TCF3: variants seen among roughly 807,000 people sequenced by gnomAD.
TCF3 encodes the protein transcription factor E2-alpha.
TCF3 carries 54 observed loss-of-function variants against 72.3 expected under a neutral mutation model. The ratio of observed to expected loss-of-function variants is 0.75; its 90% CI spans 0.60 to 0.94. The LOEUF (loss-of-function observed/expected upper bound fraction) is 0.94, where lower values mean the gene tolerates loss of function less well. TCF3 is among the 40% of genes least tolerant of loss of function. TCF3 has a pLI of 0.00. For missense variants in TCF3, 1,078 were observed against 934.4 expected (o/e 1.15, Z -2.00); for synonymous variants, 525 against 412.6 (o/e 1.27, Z -3.30).
Position 1,647,046 on chromosome 19 carries a change from G to A in TCF3, c.73-619C>T, listed in dbSNP as rs902948328. 2.6e-5 allele frequency among the ~76,000 whole-genome samples: 4 copies of A among 152,200 alleles called. No individual in the cohort carries two copies. In the South Asian group the frequency reaches 8.3e-4, roughly 31 times the overall value. ...GAGGCTCAGACAGGCAGCAGGTCGA[G>A]GAAGACACGGGATGGAGCCCCGGGC... On this transcript the variant is annotated intron_variant, in intron 2 of 18. Transcript: ENST00000262965.
In TCF3 at chr19:1,620,980, G is replaced by A. The variant is rs772529012; in HGVS notation, c.1081C>T (p.Gln361Ter). ...SSPSTPVGSPQGLAGTSQWPR... is the reference protein window; with the variant it reads ...SSPSTPVGSP ...AACCCTCACAGACCTGCCAGGCCCTGGGGGGAGCCCACGGGGGTAGAAGGG... is the reference window on the plus strand; with the variant it reads ...AACCCTCACAGACCTGCCAGGCCCTAGGGGGAGCCCACGGGGGTAGAAGGG... Residue 361 changes from glutamine to a stop codon, truncating the protein, a stop_gained, in exon 13 of 19, where the codon CAG becomes TAG. Coordinates refer to ENST00000262965, the MANE Select transcript of TCF3 (RefSeq NM_003200.5). LOFTEE classifies it high-confidence loss of function. 2.7e-6 allele frequency: 4 copies of A among 1,509,324 alleles called. No individual in the cohort carries two copies. Among genetic ancestry groups the A allele is most frequent in the African/African-American group, 2.8e-5 (2 of 70,424 alleles). 93.5% of individuals were successfully genotyped at this position (1,509,324 alleles called of 1,614,324 possible).
chr19:1,650,139 A>G, intron 2 of TCF3, 38 bp downstream of exon 2: 1 of 1,532,916 alleles, frequency 6.5e-7, no homozygotes, highest in Non-Finnish European at 8.8e-7. Flanking sequence ...CTGTGGAGGC[A>G]AAGGGGTGTC....
Position 1,622,103 on chromosome 19 carries a change from C to A in TCF3, c.773G>T (p.Ser258Ile), listed in dbSNP as rs2146132884. 1.2e-6 allele frequency: 2 copies of A among 1,605,524 alleles called. No homozygotes were observed. Among genetic ancestry groups the A allele is most frequent in the East Asian group, 2.2e-5 (1 of 44,612 alleles). The change falls in exon 10 of 19, where the codon AGC (serine) becomes ATC (isoleucine). Residue 258 changes from serine (S) to isoleucine (I), a missense_variant. Ser to Ile is a moderately radical substitution (Grantham distance 142). Transcript: ENST00000262965. ...ACCAAACGTGCTGCTGCTTCCACTGCTGCCCACCGGGCCGCTACCGGGCGG... is the reference window on the plus strand; with the variant it reads ...ACCAAACGTGCTGCTGCTTCCACTGATGCCCACCGGGCCGCTACCGGGCGG... ...PLPPGSGPVG[S>I]SGSSSTFGGL...
chr19:1,622,609 T>C (rs1297559419), intron 8 of TCF3, among the ~76,000 whole-genome samples, 194 bp from the exon 9 acceptor site: 1 of 151,876 alleles, frequency 6.6e-6, no homozygotes. Flanking sequence ...CTGGTCTCTC[T>C]CTCCTACTCC....
chr19:1,626,198 C>T (rs992614492), intron 6 of TCF3, among the ~76,000 whole-genome samples: 1 of 152,178 alleles, frequency 6.6e-6, no homozygotes, highest in Non-Finnish European at 1.5e-5. Context: ...CACCTATTAT[C>T]CCAGTACTTT....
Position 1,611,833 on chromosome 19 carries a change from G to A in TCF3, c.1839C>T (p.Pro613=). ...CTCGCCGTTTCAAACAGGCTGCTTTGGGATTCAGGTTCCGCTCTGGAGGGA... is the reference window on the plus strand; with the variant it reads ...CTCGCCGTTTCAAACAGGCTGCTTTAGGATTCAGGTTCCGCTCTGGAGGGA... ...EQQVRERNLN[P]KAACLKRREE... is the part of the protein sequence containing the mutation. The change falls in exon 19 of 19, where the codon CCC becomes CCT. Residue 613 remains proline (P), a synonymous_variant. Coordinates refer to ENST00000262965, the MANE Select transcript of TCF3 (RefSeq NM_003200.5). 6.2e-7 allele frequency: 1 copy of A among 1,612,742 alleles called. No homozygotes were observed. Among genetic ancestry groups the A allele is most frequent in the Non-Finnish European group, 8.5e-7 (1 of 1,179,676 alleles).
rs189964914 is a variant in TCF3, at chr19:1,629,252, G to A, written c.299-1826C>T. On this transcript the variant is annotated intron_variant, in intron 5 of 18. Transcript: ENST00000262965. ...GTGCTGGGGTCAGAGGCATTTGTCTGTCCCAGGGGACAGGCCTGGGGGCCC... is the reference window on the plus strand; with the variant it reads ...GTGCTGGGGTCAGAGGCATTTGTCTATCCCAGGGGACAGGCCTGGGGGCCC... Among the ~76,000 whole-genome samples the A allele has an allele frequency of 4.9e-3, 750 of 152,154 alleles. 7 individuals are homozygous for A. Among genetic ancestry groups the A allele is most frequent in the African/African-American group, 0.017 (687 of 41,490 alleles).
At chr19:1,643,918 G>T (rs1214514056) in intron 3 of TCF3, among the ~76,000 whole-genome samples, 2 of 152,216 alleles carry the variant, frequency 1.3e-5, no homozygotes, top group Admixed American at 1.3e-4. Flanking sequence ...GAATGCGGCT[G>T]GGGTACCCCA....
intron 5 of TCF3, among the ~76,000 whole-genome samples, 178 bp from the exon 6 acceptor site, chr19:1,627,604 A>G (rs2063055297): frequency 1.3e-5 from 2 of 151,882 alleles, no homozygotes; most frequent in African/African-American, 4.8e-5. Flanking sequence ...CCCTGGCCCC[A>G]GTATGCCCAT....
intron 7 of TCF3, among the ~76,000 whole-genome samples, chr19:1,624,861 T>C (rs1639607127): frequency 6.6e-6 from 1 of 152,196 alleles, no homozygotes; most frequent in Admixed American, 6.5e-5. Context: ...CGCTTATTTT[T>C]TTCAGGCAGG....
At position 1,641,018 on chromosome 19, in the gene TCF3, C is replaced by T. The variant is rs572379014; in HGVS notation, c.145+5337G>A. Among the ~76,000 whole-genome samples, 6 of 151,956 alleles carry T rather than the reference C, an allele frequency of 3.9e-5. No individual in the cohort carries two copies. In the South Asian group the frequency reaches 8.3e-4, roughly 21 times the overall value. ...ACAAAAAATTAGCCAGGCATGGTGG[C>T]AGGCACCTATATTCCCAGCTACTCA... On this transcript the variant is annotated intron_variant, in intron 3 of 18. Transcript: ENST00000262965.
chr19:1,622,776 C>T (rs1417165459), intron 8 of TCF3, among the ~76,000 whole-genome samples: 1 of 152,172 alleles, frequency 6.6e-6, no homozygotes, highest in Non-Finnish European at 1.5e-5. Context: ...CATCCTTCTC[C>T]CTTGTTCCCC....
intron 3 of TCF3, among the ~76,000 whole-genome samples, chr19:1,645,241 G>A (rs1406342231): frequency 2.0e-5 from 3 of 152,042 alleles, no homozygotes; most frequent in Admixed American, 1.3e-4. Flanking sequence ...CCGGAGGCAG[G>A]AAGGACACAG....
intron 3 of TCF3, among the ~76,000 whole-genome samples, chr19:1,634,636 G>C (rs2064156393): frequency 6.6e-6 from 1 of 152,214 alleles, no homozygotes; most frequent in African/African-American, 2.4e-5. Flanking sequence ...TCCCTGTTGG[G>C]TCCCCTCCTG....
chr19:1,614,638 G>A lies in TCF3; in HGVS notation c.1822+647C>T, dbSNP rs908820775. Among the ~76,000 whole-genome samples, 3 of 152,152 alleles carry A rather than the reference G, an allele frequency of 2.0e-5. No individual in the cohort carries two copies. Among genetic ancestry groups the A allele is most frequent in the African/African-American group, 7.2e-5 (3 of 41,432 alleles). On this transcript the variant is annotated intron_variant, in intron 18 of 18. Transcript: ENST00000262965. The surrounding 1 kb of genome is among the most constrained non-coding windows in gnomAD (Gnocchi z 5.6). Reference sequence around the variant, plus strand: ...GTGCTGCAGGAGAGAAAGGGTTAACGGGGTGCAGGCGAGGAAAGGAAGGAG... The same window carrying A: ...GTGCTGCAGGAGAGAAAGGGTTAACAGGGTGCAGGCGAGGAAAGGAAGGAG...
intron 18 of TCF3, chr19:1,612,492 G>T: frequency 6.8e-7 from 1 of 1,473,068 alleles, no homozygotes; most frequent in Non-Finnish European, 9.4e-7. Context: ...GGGAGGGCAG[G>T]GCTGGGTTGT....
Position 1,620,918 on chromosome 19 carries a change from C to A in TCF3, c.1093+50G>T, listed in dbSNP as rs371016412. On this transcript the variant is annotated intron_variant, in intron 13 of 18. Transcript: ENST00000262965. ...TCACAGACCTCAGCCTCCCCTCCCC[C>A]CAAACCCTCACAGACCTCAGCCTCC... The A allele has an allele frequency of 1.3e-4, 179 of 1,420,908 alleles. 1 individual carries two copies. In the African/African-American group the frequency reaches 1.7e-3, roughly 13 times the overall value. The allele number at this position is 1,420,908 out of a possible 1,614,324, so 88.0% of individuals were successfully genotyped here. A position where few individuals can be genotyped will look rare whatever the true frequency, so the allele number is the denominator to read the frequency against.
chr19:1,615,575 A>T lies in TCF3; in HGVS notation c.1587-55T>A, dbSNP rs758299283. The T allele has an allele frequency of 1.2e-6, 2 of 1,604,026 alleles. No homozygotes were observed. Among genetic ancestry groups the T allele is most frequent in the African/African-American group, 2.7e-5 (2 of 74,498 alleles). The stretch of plus-strand genomic sequence containing the variant: ...AGGGAGACAGTGAGGTTGGGGGAAG[A>T]GCGTGGGGCCCGCCGACGGCCTCCC... On this transcript the variant is annotated intron_variant, in intron 17 of 18. Transcript: ENST00000262965. This position sits in a 1 kb window ranked among gnomAD's most constrained non-coding sequence, Gnocchi z 7.3.
At chr19:1,618,878 G>C (rs1183736203) in intron 16 of TCF3, among the ~76,000 whole-genome samples, 1 of 152,210 alleles carries the variant, frequency 6.6e-6, no homozygotes. Flanking sequence ...ACAGCGTCTG[G>C]GAGCAGGCGA....
Sources: gnomAD v4.1 joint callset for allele counts (sites outside exome capture counted in the v4.1 genomes callset) on GRCh38, gnomAD v4.1.1 for gene constraint, Gnocchi (gnomAD v3.1) non-coding constraint, MANE v1.5 for transcripts, NCBI Gene and HGNC (gene_info 2026-07-23, HGNC 2026-07-21) for gene names.